The following KCNK10 variants were observed in gnomAD, a reference collection of about 807,000 sequenced individuals.
The protein encoded by KCNK10 is potassium channel subfamily K member 10.
Under a neutral mutation model 47.7 loss-of-function variants are expected in KCNK10, and 25 were observed. The ratio of observed to expected loss-of-function variants is 0.52; its 90% CI spans 0.38 to 0.73. The LOEUF (loss-of-function observed/expected upper bound fraction) is 0.73. KCNK10 is among the 30% of genes least tolerant of loss of function. The probability of loss-of-function intolerance (pLI) is 0.00; values close to 1 mark genes in which losing one functional copy is unlikely to be tolerated. For synonymous variants in KCNK10, 303 were observed against 285.6 expected (o/e 1.06, Z -0.61); for missense variants, 563 against 714.5 (o/e 0.79, Z 2.42).
chr14:88,290,042 G>A (rs531109301), intron 1 of KCNK10, among the ~76,000 whole-genome samples: 194 of 152,206 alleles, frequency 1.3e-3, no homozygotes, highest in African/African-American at 4.1e-3. Context: ...GATAATGTTC[G>A]GTCCCCCAAA....
At chr14:88,254,003 A>T (rs996711390) in intron 2 of KCNK10, among the ~76,000 whole-genome samples, 1 of 152,096 alleles carries the variant, frequency 6.6e-6, no homozygotes, top group African/African-American at 2.4e-5. Context: ...TGAGGGGGAG[A>T]GAGAGAGAGA....
At chr14:88,220,720 T>C (rs1421393954) in intron 4 of KCNK10, among the ~76,000 whole-genome samples, 1 of 151,632 alleles carries the variant, frequency 6.6e-6, no homozygotes, top group Non-Finnish European at 1.5e-5. Context: ...TTAAAAGTGA[T>C]CACATACCTA....
At chr14:88,244,617 G>A (rs1977212) in intron 2 of KCNK10, among the ~76,000 whole-genome samples, 31,312 of 151,876 alleles carry the variant, frequency 0.21, 4,187 homozygotes, top group Non-Finnish European at 0.29. Flanking sequence ...GCAGTGAGCC[G>A]AGATCGCGCT....
intron 4 of KCNK10, among the ~76,000 whole-genome samples, chr14:88,222,766 G>A (rs1371045228): frequency 6.6e-6 from 1 of 152,146 alleles, no homozygotes; most frequent in Non-Finnish European, 1.5e-5. Context: ...ATGAGGTTGG[G>A]TGAAAACGTG....
chr14:88,245,990 C>T (rs1886627070), intron 2 of KCNK10, among the ~76,000 whole-genome samples: 1 of 152,112 alleles, frequency 6.6e-6, no homozygotes, highest in South Asian at 2.1e-4. Context: ...GCACAGTCAG[C>T]AAAGGGATTA....
chr14:88,270,760 A>G (rs776373706), intron 1 of KCNK10: 5 of 780,944 alleles, frequency 6.4e-6, no homozygotes, highest in Non-Finnish European at 1.2e-5. Flanking sequence ...GACAGCCTTC[A>G]GTCCTGTCCC....
chr14:88,196,357 C>T (rs1037644073), intron 4 of KCNK10, among the ~76,000 whole-genome samples: 6 of 152,142 alleles, frequency 3.9e-5, no homozygotes, highest in African/African-American at 9.7e-5. Flanking sequence ...ACTGACAATT[C>T]GGGAAGTGTT....
At chr14:88,323,615 G>T, upstream of KCNK10, 1 of 151,476 alleles carries the variant, frequency 6.6e-6, no homozygotes, top group South Asian at 2.0e-4. Context: ...GCGGAGGGGC[G>T]GGGAACGAGC....
At position 88,323,108 on chromosome 14, in the gene KCNK10, C is replaced by T; in HGVS notation, c.-310G>A. The T allele has an allele frequency of 2.5e-6, 3 of 1,199,872 alleles. No individual in the cohort carries two copies. The highest frequency in any genetic ancestry group is 3.1e-6 in the Non-Finnish European group (3 of 957,334). The allele number at this position is 1,199,872 out of a possible 1,614,324, so 74.3% of individuals were successfully genotyped here. A position where few individuals can be genotyped will look rare whatever the true frequency, so the allele number is the denominator to read the frequency against. On this transcript the variant is annotated 5_prime_UTR_variant, in exon 1 of 7. Coordinates refer to ENST00000319231, the MANE Select transcript of KCNK10 (RefSeq NM_138317.3). ...AGGAAGGCTTGGGGAGATGGAAGAG[C>T]CAAGCTGCTTCCCAAAAGCGGTGCC...
At chr14:88,228,803 T>C (rs866934856) in intron 3 of KCNK10, among the ~76,000 whole-genome samples, 3 of 152,194 alleles carry the variant, frequency 2.0e-5, no homozygotes, top group South Asian at 2.1e-4. Flanking sequence ...AAATTACAGC[T>C]TCCATTTCTA....
In KCNK10 at chr14:88,263,446, C is replaced by A. The variant is rs148277278; in HGVS notation, c.158G>T (p.Arg53Leu). 1.2e-6 allele frequency: 2 copies of A among 1,614,090 alleles called. No homozygotes were observed. Among genetic ancestry groups the A allele is most frequent in the Middle Eastern group, 3.3e-4 (2 of 6,062 alleles). Residue 53 changes from arginine to leucine, a missense_variant, in exon 2 of 7, where the codon CGA (arginine) becomes CTA (leucine). Coordinates refer to ENST00000319231, the MANE Select transcript of KCNK10 (RefSeq NM_138317.3). The part of the protein sequence containing the change: ...TPTPRLSISS[R>L]ATVVARMEGT... ...TTCCATCCTGGCTACCACTGTGGCT[C>A]GGGAGGAAATGGACAGGCGCGGAGT...
intron 4 of KCNK10, among the ~76,000 whole-genome samples, chr14:88,223,482 C>T (rs559470079): frequency 1.3e-5 from 2 of 152,132 alleles, no homozygotes; most frequent in South Asian, 4.2e-4. Flanking sequence ...AAAGTGAGTG[C>T]ACCTCAGAGG....
At chr14:88,204,115 T>G (rs143415948) in intron 4 of KCNK10, among the ~76,000 whole-genome samples, 1,822 of 152,284 alleles carry the variant, frequency 0.012, 29 homozygotes, top group African/African-American at 0.041. Flanking sequence ...GTATACTCTT[T>G]GTAGTCTTTG....
intron 2 of KCNK10, among the ~76,000 whole-genome samples, chr14:88,256,318 G>C (rs1243870886): frequency 2.0e-5 from 3 of 152,172 alleles, no homozygotes; most frequent in Non-Finnish European, 1.5e-5. Context: ...CTTGGAATCT[G>C]TGGTCACTCC....
intron 2 of KCNK10, among the ~76,000 whole-genome samples, chr14:88,255,467 G>A (rs1024341872): frequency 1.3e-5 from 2 of 151,680 alleles, no homozygotes; most frequent in East Asian, 3.9e-4. Context: ...GCTGAGGTGG[G>A]AGGATTGCTT....
intron 1 of KCNK10, among the ~76,000 whole-genome samples, chr14:88,301,550 G>A (rs1888099523): frequency 6.6e-6 from 1 of 151,896 alleles, no homozygotes; most frequent in Non-Finnish European, 1.5e-5. Context: ...GCAGGAGTGG[G>A]CGGTTAGAGA....
At chr14:88,188,150 A>G in intron 5 of KCNK10, 41 bp from the exon 6 acceptor site, 1 of 1,607,482 alleles carries the variant, frequency 6.2e-7, no homozygotes, top group South Asian at 1.1e-5. Context: ...GATCTAGCAT[A>G]TGGTCTTTGC....
chr14:88,309,975 A>C (rs1888277915), intron 1 of KCNK10, among the ~76,000 whole-genome samples: 1 of 151,748 alleles, frequency 6.6e-6, no homozygotes, highest in African/African-American at 2.4e-5. Context: ...TTCCCACTTG[A>C]CACCAGCCTA....
intron 1 of KCNK10, among the ~76,000 whole-genome samples, chr14:88,279,851 C>A (rs760236625): frequency 1.3e-5 from 2 of 152,166 alleles, no homozygotes; most frequent in Admixed American, 6.5e-5. Flanking sequence ...GGGGGCCAGT[C>A]TTTCCCATGA....
Sources: gnomAD v4.1 joint callset for allele counts (sites outside exome capture counted in the v4.1 genomes callset) on GRCh38, gnomAD v4.1.1 for gene constraint, MANE v1.5 for transcripts, NCBI Gene and HGNC (gene_info 2026-07-23, HGNC 2026-07-21) for gene names.